MEGF11: variants seen among roughly 807,000 people sequenced by gnomAD.
MEGF11 encodes multiple EGF like domains 11, also known as multiple epidermal growth factor-like domains protein 11.
A neutral mutation model predicts 146.6 loss-of-function variants in MEGF11; 126 were observed. The ratio of observed to expected loss-of-function variants is 0.86; its 90% confidence interval spans 0.74 to 1.00. The LOEUF is 1.00. Ranked by LOEUF, MEGF11 falls within the 50% of genes least tolerant of loss-of-function variation. The pLI is 0.00. For synonymous variants in MEGF11, 532 were observed against 583.4 expected, an observed-to-expected ratio of 0.91 and a Z score of 1.27; for missense variants, 1,509 against 1,521.2, an observed-to-expected ratio of 0.99 and a Z score of 0.13.
At chr15:66,222,393 C>T (rs756177625) in intron 1 of MEGF11, among the ~76,000 whole-genome samples, 1 of 152,204 alleles carries the variant, frequency 6.6e-6, no homozygotes, top group Non-Finnish European at 1.5e-5. Flanking sequence ...CCCCAATCTT[C>T]CTTCCTTGAC....
At chr15:66,077,283 T>A (rs1358393968) in intron 5 of MEGF11, among the ~76,000 whole-genome samples, 2 of 152,226 alleles carry the variant, frequency 1.3e-5, no homozygotes, top group Non-Finnish European at 2.9e-5. Flanking sequence ...GACTGAAACC[T>A]CACATCTCAT....
At chr15:65,920,561 C>T (rs1019073911) in intron 15 of MEGF11, among the ~76,000 whole-genome samples, 13 of 152,222 alleles carry the variant, frequency 8.5e-5, no homozygotes, top group African/African-American at 2.9e-4. Flanking sequence ...AATTTACCCA[C>T]AGAACTGCTA....
At chr15:65,934,290 T>A (rs1384418362) in intron 10 of MEGF11, among the ~76,000 whole-genome samples, 1 of 152,210 alleles carries the variant, frequency 6.6e-6, no homozygotes, top group African/African-American at 2.4e-5. Flanking sequence ...TCGCTCTTGT[T>A]GCCCAGGCTG....
intron 5 of MEGF11, among the ~76,000 whole-genome samples, chr15:66,055,342 G>A (rs1050310067): frequency 6.6e-6 from 1 of 152,230 alleles, no homozygotes; most frequent in Non-Finnish European, 1.5e-5. Context: ...TTTAGCTAAT[G>A]CAGCTTTCAA....
At chr15:65,989,016 G>C (rs907295840) in intron 5 of MEGF11, among the ~76,000 whole-genome samples, 2 of 152,070 alleles carry the variant, frequency 1.3e-5, no homozygotes, top group African/African-American at 2.4e-5. Context: ...CATCACTGGG[G>C]CAGTTTTAAG....
At chr15:66,140,128 G>T (rs1420733104) in intron 1 of MEGF11, among the ~76,000 whole-genome samples, 2 of 152,102 alleles carry the variant, frequency 1.3e-5, no homozygotes, top group Non-Finnish European at 2.9e-5. Flanking sequence ...AACTTATTCA[G>T]CTTAATTTCC....
intron 5 of MEGF11, among the ~76,000 whole-genome samples, chr15:66,010,023 G>A (rs1441205994): frequency 1.3e-5 from 2 of 152,090 alleles, no homozygotes; most frequent in Non-Finnish European, 2.9e-5. Flanking sequence ...TGGATGAGGT[G>A]CTCTTAGTGT....
At chr15:66,022,960 C>A (rs1266459042) in intron 5 of MEGF11, among the ~76,000 whole-genome samples, 1 of 151,826 alleles carries the variant, frequency 6.6e-6, no homozygotes, top group Non-Finnish European at 1.5e-5. Context: ...CGAGACCAGC[C>A]TGACCAACAT....
At chr15:66,225,835 G>A (rs2091840536) in intron 1 of MEGF11, among the ~76,000 whole-genome samples, 1 of 152,026 alleles carries the variant, frequency 6.6e-6, no homozygotes, top group Non-Finnish European at 1.5e-5. Context: ...CACACAGCAC[G>A]TAACAGCTTA....
chr15:65,995,020 C>T (rs1296510550), intron 5 of MEGF11, among the ~76,000 whole-genome samples: 1 of 152,250 alleles, frequency 6.6e-6, no homozygotes, highest in East Asian at 1.9e-4. Flanking sequence ...GCATTGGGAG[C>T]TTGGGTGTGG....
chr15:66,115,969 G>A (rs2087706837), intron 4 of MEGF11, among the ~76,000 whole-genome samples: 1 of 152,148 alleles, frequency 6.6e-6, no homozygotes, highest in Non-Finnish European at 1.5e-5. Flanking sequence ...TGCCGGTGAA[G>A]CCGCCCAGCC....
At chr15:65,908,686 C>T (rs150962760) in intron 23 of MEGF11, among the ~76,000 whole-genome samples, 324 of 152,306 alleles carry the variant, frequency 2.1e-3, no homozygotes, top group Admixed American at 6.3e-3. Context: ...CCAACAGGGC[C>T]CAGAGAACCC....
intron 7 of MEGF11, among the ~76,000 whole-genome samples, chr15:65,973,775 T>C (rs1022620966): frequency 6.6e-6 from 1 of 152,174 alleles, no homozygotes; most frequent in Admixed American, 6.5e-5. Flanking sequence ...AATGACTGTC[T>C]AAGATGGAAA....
chr15:66,080,430 C>A (rs1384726348), intron 5 of MEGF11, among the ~76,000 whole-genome samples: 1 of 152,172 alleles, frequency 6.6e-6, no homozygotes, highest in African/African-American at 2.4e-5. Context: ...CATCCAGGTC[C>A]CCCTCCCATA....
intron 22 of MEGF11, 119 bp from the exon 23 acceptor site, chr15:65,909,254 G>C (rs1277198228): frequency 1.3e-6 from 1 of 741,100 alleles, no homozygotes; most frequent in Non-Finnish European, 2.3e-6. Context: ...GGAGGACTTG[G>C]GGGCCTCTGT....
intron 5 of MEGF11, among the ~76,000 whole-genome samples, chr15:66,053,151 A>C (rs1486781759): frequency 2.6e-5 from 4 of 152,066 alleles, no homozygotes; most frequent in Non-Finnish European, 5.9e-5. Context: ...TAATAAATGG[A>C]TACTTCCTTG....
intron 13 of MEGF11, among the ~76,000 whole-genome samples, chr15:65,927,993 C>T (rs2079433675): frequency 1.3e-5 from 2 of 152,092 alleles, no homozygotes; most frequent in African/African-American, 2.4e-5. Context: ...GTGCCAGATG[C>T]GGGATGGTAC....
At chr15:66,187,969 G>C (rs2141177571) in intron 1 of MEGF11, among the ~76,000 whole-genome samples, 1 of 152,326 alleles carries the variant, frequency 6.6e-6, no homozygotes, top group South Asian at 2.1e-4. Flanking sequence ...CTATCAAGCA[G>C]TTCAAGTATA....
intron 4 of MEGF11, among the ~76,000 whole-genome samples, chr15:66,113,450 C>G (rs1315799931): frequency 1.3e-5 from 2 of 152,112 alleles, no homozygotes; most frequent in South Asian, 2.1e-4. Context: ...CTATGTCGAC[C>G]AAAAGGAAAC....
Sources: gnomAD v4.1 joint callset for allele counts (sites outside exome capture counted in the v4.1 genomes callset) on GRCh38, gnomAD v4.1.1 for gene constraint, MANE v1.5 for transcripts, NCBI Gene and HGNC (gene_info 2026-07-23, HGNC 2026-07-21) for gene names.